TTN: variants seen among roughly 807,000 people sequenced by gnomAD.
The protein encoded by TTN is connectin.
Under a neutral mutation model 3,223.0 loss-of-function variants are expected in TTN, and 1,525 were observed. The observed-to-expected ratio is 0.47, with a 90% CI of 0.45 to 0.49. The LOEUF is 0.49. Among genes scored for constraint, TTN ranks in the 20% least tolerant of loss-of-function variants. TTN has a pLI of 0.00. For synonymous variants in TTN, 14,094 were observed against 15,161.0 expected, an observed-to-expected ratio of 0.93 and a Z score of 5.17; for missense variants, 40,786 against 43,424.0, an observed-to-expected ratio of 0.94 and a Z score of 5.40.
chr2:178,610,207 T>G lies in TTN; in HGVS notation c.51319A>C (p.Thr17107Pro). 1 of 1,612,998 alleles carries G rather than the reference T, an allele frequency of 6.2e-7. No individual in the cohort carries two copies. Among genetic ancestry groups the G allele is most frequent in the Non-Finnish European group, 8.5e-7 (1 of 1,179,296 alleles). The change falls in exon 271 of 363, where the codon ACT becomes CCT. Residue 17107 changes from threonine to proline, a missense_variant. Thr to Pro is a conservative substitution (Grantham distance 38). Coordinates refer to ENST00000589042, the MANE Select transcript of TTN (RefSeq NM_001267550.2). ...VMSGENKLSW[T>P]VKDLIPNGEY... Reference sequence around the variant, plus strand: ...CCATTTGGTATGAGATCCTTCACAGTCCATGACAGTTTGTTCTCACCAGAC... The same window carrying G: ...CCATTTGGTATGAGATCCTTCACAGGCCATGACAGTTTGTTCTCACCAGAC...
At position 178,579,960 on chromosome 2, in the gene TTN, G is replaced by A. The variant is rs1304938868; in HGVS notation, c.67327C>T (p.Arg22443Cys). Residue 22443 changes from arginine (R) to cysteine (C), a missense_variant, in exon 318 of 363, where the codon CGT becomes TGT. Arg to Cys is a radical substitution (Grantham distance 180). Transcript: ENST00000589042. ...TTACGGGAAGCTTTGACAGCATCACGAGTTTCACCGGGATCACCAATGCCA... is the reference window on the plus strand; with the variant it reads ...TTACGGGAAGCTTTGACAGCATCACAAGTTTCACCGGGATCACCAATGCCA... Reference protein sequence around the residue: ...EYGIGDPGETRDAVKASQTPG... With the variant: ...EYGIGDPGETCDAVKASQTPG... The A allele has an allele frequency of 3.1e-6, 5 of 1,613,026 alleles. No individual in the cohort carries two copies. Among genetic ancestry groups the A allele is most frequent in the South Asian group, 1.1e-5 (1 of 91,038 alleles).
At position 178,739,893 on chromosome 2, in the gene TTN, G is replaced by C. The variant is rs777547090; in HGVS notation, c.13340C>G (p.Ser4447Trp). 1 of 1,613,796 alleles carries C rather than the reference G, an allele frequency of 6.2e-7. No homozygotes were observed. The highest frequency in any genetic ancestry group is 8.5e-7 in the Non-Finnish European group (1 of 1,179,820). Residue 4447 changes from serine to tryptophan, a missense_variant, in exon 48 of 363, where the codon TCG becomes TGG. By Grantham distance (177) the Ser-to-Trp change is radical. Coordinates refer to ENST00000589042, the MANE Select transcript of TTN (RefSeq NM_001267550.2). ...RHIMCMYLVT[S>W]AKSVTEEVTI... ...TACTTCTTCTGTTACAGACTTTGCC[G>C]AAGTAACAAGGTACATGCACATGAT...
In TTN at chr2:178,570,746, A is replaced by C; in HGVS notation, c.75386T>G (p.Phe25129Cys). Residue 25129 changes from phenylalanine to cysteine, a missense_variant, in exon 326 of 363, where the codon TTC becomes TGC. Transcript: ENST00000589042. ...GCCATAAATATCTGCATCAACCTTG[A>C]ATGATTCACCAGCATGAACCACGAT... Reference protein sequence around the residue: ...DTIVVHAGESFKVDADIYGKP... With the variant: ...DTIVVHAGESCKVDADIYGKP... 6.2e-7 allele frequency: 1 copy of C among 1,613,566 alleles called. No homozygotes were observed. The highest frequency in any genetic ancestry group is 8.5e-7 in the Non-Finnish European group (1 of 1,179,614).
In TTN at chr2:178,548,932, A is replaced by G. The variant is rs760506340; in HGVS notation, c.92694T>C (p.Ala30898=). Reference sequence around the variant, plus strand: ...TGTCGCCTTTTCCAGCACCATTGATAGCACTAACTCGGAATTTGTATTCTT... The same window carrying G: ...TGTCGCCTTTTCCAGCACCATTGATGGCACTAACTCGGAATTTGTATTCTT... The part of the protein sequence containing the change: ...AGEEYKFRVS[A]INGAGKGDSC... Residue 30898 remains alanine, a synonymous_variant, in exon 339 of 363, where the codon GCT becomes GCC. Coordinates refer to ENST00000589042, the MANE Select transcript of TTN (RefSeq NM_001267550.2). This position sits in a 1 kb window ranked among gnomAD's most constrained non-coding sequence, Gnocchi z 4.3. 2 of 1,613,828 alleles carry G rather than the reference A, an allele frequency of 1.2e-6. No individual in the cohort carries two copies. The highest frequency in any genetic ancestry group is 3.3e-5 in the Admixed American group (2 of 59,994).
chr2:178,763,388 T>G (rs1255764125), intron 43 of TTN, among the ~76,000 whole-genome samples: 1 of 152,214 alleles, frequency 6.6e-6, no homozygotes. Flanking sequence ...ATAATAATCT[T>G]AAGTGTTTGG....
In TTN at chr2:178,543,289, G is replaced by A. The variant is rs368423941; in HGVS notation, c.96684C>T (p.Tyr32228=). 2.8e-4 allele frequency: 451 copies of A among 1,613,672 alleles called. No individual in the cohort carries two copies. The highest frequency in any genetic ancestry group is 3.5e-4 in the Non-Finnish European group (418 of 1,179,792). The change falls in exon 347 of 363, where the codon TAC becomes TAT. Residue 32228 remains tyrosine, a synonymous_variant. Coordinates refer to ENST00000589042, the MANE Select transcript of TTN (RefSeq NM_001267550.2). ...TVTLAWEKPL[Y]DGGSRLTGYV... ...ATCCAGTGAGTCGGCTACCACCATC[G>A]TAGAGTGGTTTTTCCCAGGCAAGGG...
Position 178,585,275 on chromosome 2 carries a change from A to G in TTN, c.64469T>C (p.Val21490Ala). 1 of 1,612,938 alleles carries G rather than the reference A, an allele frequency of 6.2e-7. No homozygotes were observed. The part of the protein sequence containing the change: ...AGKKLRIEAH[V>A]YGKPHPTCKW... ...ACAGGTGGGATGAGGCTTTCCATACACATGGGCTTCAATTCGGAGTTTTTT... is the reference window on the plus strand; with the variant it reads ...ACAGGTGGGATGAGGCTTTCCATACGCATGGGCTTCAATTCGGAGTTTTTT... The change falls in exon 309 of 363, where the codon GTG becomes GCG. Residue 21490 changes from valine (V) to alanine (A), a missense_variant. Coordinates refer to ENST00000589042, the MANE Select transcript of TTN (RefSeq NM_001267550.2).
intron 259 of TTN, 107 bp from the exon 260 acceptor site, chr2:178,615,075 T>C (rs2057079880): frequency 9.3e-7 from 1 of 1,076,196 alleles, no homozygotes. Flanking sequence ...ATACTAGTCT[T>C]TAAATTAAAC....
At chr2:178,711,424 GC>G in intron 96 of TTN, 75 bp from the exon 97 acceptor site, 5 of 1,377,740 alleles carry the variant, frequency 3.6e-6, no homozygotes, top group Non-Finnish European at 4.9e-6. Context: ...ATATACAAAC[GC>G]ACGTATATAT....
rs1178547441 is a variant in TTN, at chr2:178,571,728, T to A, written c.74404A>T (p.Asn24802Tyr). ...NSAGEAIETLNVIVLDKPGPP... is the reference protein window; with the variant it reads ...NSAGEAIETLYVIVLDKPGPP... ...CCTGGTTTGTCAAGAACGATAACATTAAGGGTTTCAATAGCTTCACCAGCT... is the reference window on the plus strand; with the variant it reads ...CCTGGTTTGTCAAGAACGATAACATAAAGGGTTTCAATAGCTTCACCAGCT... Residue 24802 changes from asparagine (N) to tyrosine (Y), a missense_variant, in exon 326 of 363, where the codon AAT becomes TAT. Transcript: ENST00000589042. The A allele has an allele frequency of 6.2e-7, 1 of 1,613,450 alleles. No homozygotes were observed. The highest frequency in any genetic ancestry group is 1.1e-5 in the South Asian group (1 of 91,054).
At chr2:178,761,194 G>A (rs1039405099) in intron 43 of TTN, among the ~76,000 whole-genome samples, 8 of 151,972 alleles carry the variant, frequency 5.3e-5, no homozygotes, top group African/African-American at 7.2e-5. Context: ...CCTCATCCAC[G>A]CTCTCCAGGC....
chr2:178,802,642 T>C (rs1416782006), intron 2 of TTN, among the ~76,000 whole-genome samples: 1 of 152,222 alleles, frequency 6.6e-6, no homozygotes, highest in African/African-American at 2.4e-5. Flanking sequence ...CCTAGGGCTC[T>C]ATCTGATGCA....
At chr2:178,666,734 A>G (rs1286384947) in intron 163 of TTN, 90 bp downstream of exon 163, 5 of 1,114,834 alleles carry the variant, frequency 4.5e-6, no homozygotes, top group Non-Finnish European at 6.2e-6. Flanking sequence ...CACTGTAGCC[A>G]CTTTGGCTTA....
Position 178,573,156 on chromosome 2 carries a change from G to A in TTN, c.72976C>T (p.Pro24326Ser). 1 of 1,612,986 alleles carries A rather than the reference G, an allele frequency of 6.2e-7. No homozygotes were observed. Among genetic ancestry groups the A allele is most frequent in the African/African-American group, 1.3e-5 (1 of 74,990 alleles). Reference sequence around the variant, plus strand: ...TCCAGAACACGTGGGTTACCTGGTGGTCCAGGTTTAAACACAGTGTCACAA... The same window carrying A: ...TCCAGAACACGTGGGTTACCTGGTGATCCAGGTTTAAACACAGTGTCACAA... ...KACDTVFKPG[P>S]PGNPRVLDTS... is the part of the protein sequence containing the mutation. Residue 24326 changes from proline (P) to serine (S), a missense_variant, in exon 326 of 363, where the codon CCA becomes TCA. Coordinates refer to ENST00000589042, the MANE Select transcript of TTN (RefSeq NM_001267550.2).
At chr2:178,584,247 A>G in intron 311 of TTN, 29 bp downstream of exon 311, 1 of 1,528,070 alleles carries the variant, frequency 6.5e-7, no homozygotes, top group Non-Finnish European at 8.8e-7. Context: ...CTAAAACAAC[A>G]ACAACAATAA....
intron 47 of TTN, chr2:178,747,932 T>C (rs746948156): frequency 4.3e-6 from 7 of 1,613,152 alleles, no homozygotes; most frequent in Non-Finnish European, 2.5e-6. Flanking sequence ...GAGCTGTCTA[T>C]GGAGTGTGTC....
In TTN at chr2:178,768,797, C is replaced by T. The variant is rs2090980016; in HGVS notation, c.9039G>A (p.Lys3013=). The change falls in exon 38 of 363, where the codon AAG becomes AAA. Residue 3013 remains lysine, a synonymous_variant. Coordinates refer to ENST00000589042, the MANE Select transcript of TTN (RefSeq NM_001267550.2). The part of the protein sequence containing the change: ...KNGVEIKSTD[K]CQMRTKKLTH... ...TGAGCTTTTTGGTTCTCATCTGGCACTTGTCAGTTGATTTGATTTCCACAC... is the reference window on the plus strand; with the variant it reads ...TGAGCTTTTTGGTTCTCATCTGGCATTTGTCAGTTGATTTGATTTCCACAC... 6.2e-7 allele frequency: 1 copy of T among 1,614,042 alleles called. No individual in the cohort carries two copies. Among genetic ancestry groups the T allele is most frequent in the Non-Finnish European group, 8.5e-7 (1 of 1,179,988 alleles).
At chr2:178,765,193 G>A (rs1397195086) in intron 41 of TTN, among the ~76,000 whole-genome samples, 1 of 152,180 alleles carries the variant, frequency 6.6e-6, no homozygotes, top group Non-Finnish European at 1.5e-5. Context: ...ATCATGTGGT[G>A]AAGAGGCTCA....
intron 240 of TTN, among the ~76,000 whole-genome samples, chr2:178,628,001 G>T (rs2059286205): frequency 6.6e-6 from 1 of 152,036 alleles, no homozygotes. Context: ...ATATTTAGAA[G>T]ACCTCATTGT....
Sources: gnomAD v4.1 joint callset for allele counts (sites outside exome capture counted in the v4.1 genomes callset) on GRCh38, gnomAD v4.1.1 for gene constraint, Gnocchi (gnomAD v3.1) non-coding constraint, MANE v1.5 for transcripts, NCBI Gene and HGNC (gene_info 2026-07-23, HGNC 2026-07-21) for gene names.